Variants in ASTN1 observed in about 807,000 individuals in gnomAD.
ASTN1 encodes astrotactin 1.
Under a neutral mutation model 140.7 loss-of-function variants are expected in ASTN1, and 41 were observed. That is an observed-to-expected ratio of 0.29 (90% CI 0.23 to 0.38). The LOEUF (loss-of-function observed/expected upper bound fraction) is 0.38, where lower values mean the gene tolerates loss of function less well. ASTN1 is among the 10% of genes least tolerant of loss of function. The probability of loss-of-function intolerance (pLI) is 1.00; values close to 1 mark genes in which losing one functional copy is unlikely to be tolerated. For synonymous variants in ASTN1, 640 were observed against 652.2 expected (o/e 0.98, Z 0.29); for missense variants, 1,479 against 1,678.8 (o/e 0.88, Z 2.08).
In ASTN1 at chr1:176,992,153, C is replaced by T. The variant is rs77472543; in HGVS notation, c.1523+22638G>A. ...GCCCCTGTAAGATTGCTGCCATCCC[C>T]CAAGTCCCTCAATGCAGAGTTGGGA... On this transcript the variant is annotated intron_variant, in intron 8 of 22. Coordinates refer to ENST00000361833, the MANE Select transcript of ASTN1 (RefSeq NM_004319.3). Among the ~76,000 whole-genome samples the T allele has an allele frequency of 7.9e-5, 12 of 152,258 alleles. No individual in the cohort carries two copies. In the East Asian group the frequency reaches 1.9e-3, roughly 25 times the overall value.
rs1361137625 is a variant in ASTN1, at chr1:177,030,790, T to C, written c.1012+16A>G. The C allele has an allele frequency of 6.2e-7, 1 of 1,613,908 alleles. No individual in the cohort carries two copies. Among genetic ancestry groups the C allele is most frequent in the Non-Finnish European group, 8.5e-7 (1 of 1,179,832 alleles). On this transcript the variant is annotated intron_variant, in intron 4 of 22. Transcript: ENST00000361833. The stretch of plus-strand genomic sequence containing the variant: ...GAAGGAATCCACCCACGAGCCCTAA[T>C]GTCAGACATGCATACCTCTTGCTTT...
chr1:177,056,572 T>C (rs925152771), intron 2 of ASTN1, among the ~76,000 whole-genome samples: 1 of 148,184 alleles, frequency 6.7e-6, no homozygotes, highest in Non-Finnish European at 1.5e-5. Context: ...CATATATATA[T>C]ATATATATAT....
intron 8 of ASTN1, among the ~76,000 whole-genome samples, chr1:176,978,125 AG>A (rs1673444466): frequency 6.6e-6 from 1 of 152,254 alleles, no homozygotes; most frequent in Admixed American, 6.5e-5. Context: ...CAGAAATAAT[AG>A]TATGACCAAA....
At chr1:176,904,582 G>A (rs865884034) in intron 16 of ASTN1, among the ~76,000 whole-genome samples, 1 of 152,150 alleles carries the variant, frequency 6.6e-6, no homozygotes, top group Non-Finnish European at 1.5e-5. Flanking sequence ...GAGTGGGCAT[G>A]CTCAGCACGC....
At chr1:177,153,606 C>G (rs1409253798) in intron 1 of ASTN1, among the ~76,000 whole-genome samples, 1 of 152,068 alleles carries the variant, frequency 6.6e-6, no homozygotes. Flanking sequence ...ATGATGAATA[C>G]TTCTATAACT....
In ASTN1 at chr1:177,064,202, A is replaced by G. The variant is rs1351303120; in HGVS notation, c.284-2937T>C. 2.6e-5 allele frequency among the ~76,000 whole-genome samples: 4 copies of G among 152,166 alleles called. 1 individual carries two copies. The highest frequency in any genetic ancestry group is 9.7e-5 in the African/African-American group (4 of 41,450). On this transcript the variant is annotated intron_variant, in intron 1 of 22. Coordinates refer to ENST00000361833, the MANE Select transcript of ASTN1 (RefSeq NM_004319.3). ...ATCATCTCAGAGCATGCACAGACAG[A>G]CAGCACACTTGAGTAGCTAAATCCA...
intron 11 of ASTN1, among the ~76,000 whole-genome samples, chr1:176,949,672 G>T (rs1230017826): frequency 6.6e-6 from 1 of 152,230 alleles, no homozygotes; most frequent in Non-Finnish European, 1.5e-5. Context: ...GCTGGCAGGA[G>T]AGTGGAAGTG....
intron 5 of ASTN1, among the ~76,000 whole-genome samples, chr1:177,029,094 G>T (rs2101968922): frequency 6.6e-6 from 1 of 152,218 alleles, no homozygotes; most frequent in Non-Finnish European, 1.5e-5. Flanking sequence ...CCTTAACCCT[G>T]CCAGGGGAAA....
chr1:177,016,162 C>CT (rs953418711), intron 7 of ASTN1, among the ~76,000 whole-genome samples: 1 of 152,036 alleles, frequency 6.6e-6, no homozygotes. Flanking sequence ...TGAGCAAGAG[C>CT]TTTTTTTAGC....
At chr1:177,136,943 T>C (rs886500648) in intron 1 of ASTN1, among the ~76,000 whole-genome samples, 7 of 152,162 alleles carry the variant, frequency 4.6e-5, no homozygotes, top group African/African-American at 1.7e-4. Context: ...TGATAATCCT[T>C]TGTTGTGTGG....
At chr1:176,988,405 A>G (rs1423023394) in intron 8 of ASTN1, among the ~76,000 whole-genome samples, 2 of 152,044 alleles carry the variant, frequency 1.3e-5, no homozygotes. Context: ...GCTGAAGGCC[A>G]AGGTCTCACT....
chr1:176,988,476 T>C (rs1674014582), intron 8 of ASTN1, among the ~76,000 whole-genome samples: 1 of 152,170 alleles, frequency 6.6e-6, no homozygotes, highest in Non-Finnish European at 1.5e-5. Context: ...CTAGTTATAG[T>C]AACAAAGCAA....
chr1:176,908,710 C>G (rs912218676), intron 16 of ASTN1, among the ~76,000 whole-genome samples: 8 of 152,144 alleles, frequency 5.3e-5, no homozygotes, highest in Non-Finnish European at 1.0e-4. Context: ...ATGCCAGGCC[C>G]TTAGCATGGC....
At chr1:176,998,417 A>T (rs1674556037) in intron 8 of ASTN1, among the ~76,000 whole-genome samples, 1 of 151,966 alleles carries the variant, frequency 6.6e-6, no homozygotes, top group African/African-American at 2.4e-5. Context: ...ACCATGAGGC[A>T]CCCCAAATAT....
At chr1:176,994,912 T>C (rs1674366876) in intron 8 of ASTN1, among the ~76,000 whole-genome samples, 1 of 152,150 alleles carries the variant, frequency 6.6e-6, no homozygotes. Context: ...ACACAGAAAG[T>C]CATCAATAAA....
rs150529108 is a variant in ASTN1 at position 177,132,721 on chromosome 1, C to T, written c.283+31673G>A. Among the ~76,000 whole-genome samples the T allele has an allele frequency of 4.9e-3, 747 of 152,274 alleles. 7 individuals carry two copies. The highest frequency in any genetic ancestry group is 0.017 in the African/African-American group (688 of 41,552). ...TAAAATTCCACTCTGCAAGCCACCT[C>T]GTATCCTGCCTTGGTATACCTTCTA... On this transcript the variant is annotated intron_variant, in intron 1 of 22. Transcript: ENST00000361833.
chr1:176,871,189 C>T (rs1340784975), intron 21 of ASTN1, among the ~76,000 whole-genome samples: 1 of 152,148 alleles, frequency 6.6e-6, no homozygotes, highest in African/African-American at 2.4e-5. Context: ...ATCCTAGTAG[C>T]TGTGCAGGGG....
At chr1:177,088,935 A>G (rs1432454939) in intron 1 of ASTN1, among the ~76,000 whole-genome samples, 1 of 152,144 alleles carries the variant, frequency 6.6e-6, no homozygotes, top group Non-Finnish European at 1.5e-5. Flanking sequence ...TAATAACAGT[A>G]ATATTCATCT....
At position 176,944,631 on chromosome 1, in the gene ASTN1, G is replaced by A. The variant is rs138138401; in HGVS notation, c.2250-613C>T. Among the ~76,000 whole-genome samples the A allele has an allele frequency of 1.6e-4, 24 of 152,296 alleles. No homozygotes were observed. In the East Asian group the frequency reaches 3.3e-3, roughly 21 times the overall value. On this transcript the variant is annotated intron_variant, in intron 13 of 22. Coordinates refer to ENST00000361833, the MANE Select transcript of ASTN1 (RefSeq NM_004319.3). Reference sequence around the variant, plus strand: ...CTGAACCCCACTGTAAATACATGTCGGAGTAAGACGTAATGGGTATGATTG... The same window carrying A: ...CTGAACCCCACTGTAAATACATGTCAGAGTAAGACGTAATGGGTATGATTG...
Sources: gnomAD v4.1 joint callset for allele counts (sites outside exome capture counted in the v4.1 genomes callset) on GRCh38, gnomAD v4.1.1 for gene constraint, MANE v1.5 for transcripts, NCBI Gene and HGNC (gene_info 2026-07-23, HGNC 2026-07-21) for gene names.